PGS1: variants seen among roughly 807,000 people sequenced by gnomAD.
PGS1 encodes the protein phosphatidylglycerophosphate synthase 1, also known as CDP-diacylglycerol--glycerol-3-phosphate 3-phosphatidyltransferase, mitochondrial.
A neutral mutation model predicts 58.3 loss-of-function variants in PGS1; 44 were observed. The observed-to-expected ratio is 0.75, with a 90% CI of 0.59 to 0.97. The LOEUF is 0.97. PGS1 is among the 50% of genes least tolerant of loss of function. The pLI, the probability that PGS1 is intolerant of heterozygous loss-of-function variation, is 0.00. For missense variants in PGS1, 684 were observed against 731.1 expected (o/e 0.94, Z 0.74); for synonymous variants, 330 against 311.0 (o/e 1.06, Z -0.64).
rs553284568 is a variant in PGS1 at position 78,378,679 on chromosome 17, C to A, written c.14C>A (p.Ala5Glu). The change falls in exon 1 of 10, where the codon GCG becomes GAG. Residue 5 changes from alanine to glutamate, a missense_variant. Transcript: ENST00000262764. ...CGGCGAGTCTCCATGGCGGTGGCGG[C>A]GGCAGCTGCGGCGGGACCCGTGTTC... is the stretch of plus-strand genomic sequence containing the variant. Reference protein sequence around the residue: MAVAAAAAAGPVFWR... With the variant: MAVAEAAAAGPVFWR... 7.8e-6 allele frequency: 12 copies of A among 1,531,612 alleles called. No homozygotes were observed. In the South Asian group the frequency reaches 8.4e-5, roughly 11 times the overall value. The allele number at this position is 1,531,612 out of a possible 1,614,324, so 94.9% of individuals were successfully genotyped here.
intron 1 of PGS1, among the ~76,000 whole-genome samples, chr17:78,380,370 C>T (rs1432811434): frequency 6.6e-6 from 1 of 152,110 alleles, no homozygotes; most frequent in Non-Finnish European, 1.5e-5. Flanking sequence ...CAGAAAAGAG[C>T]TTGCTTCATG....
At chr17:78,404,763 C>T (rs946638646) in intron 7 of PGS1, among the ~76,000 whole-genome samples, 4 of 151,856 alleles carry the variant, frequency 2.6e-5, no homozygotes, top group African/African-American at 7.3e-5. Flanking sequence ...TGGGTTCAAG[C>T]GATTCTCCTG....
intron 1 of PGS1, among the ~76,000 whole-genome samples, chr17:78,379,880 T>G (rs534236561): frequency 6.6e-6 from 1 of 151,752 alleles, no homozygotes; most frequent in African/African-American, 2.4e-5. Context: ...CTTTTCTTTT[T>G]TTTTTGAGAC....
chr17:78,406,482 G>C (rs1479643071), intron 7 of PGS1, among the ~76,000 whole-genome samples: 1 of 152,236 alleles, frequency 6.6e-6, no homozygotes, highest in Non-Finnish European at 1.5e-5. Flanking sequence ...CTTCTGGCAT[G>C]TCCAGGGCAT....
At chr17:78,402,361 C>T (rs2083742976) in intron 6 of PGS1, among the ~76,000 whole-genome samples, 1 of 151,806 alleles carries the variant, frequency 6.6e-6, no homozygotes, top group Non-Finnish European at 1.5e-5. Flanking sequence ...TGATATTCTC[C>T]ATTTTTGTAT....
rs768993370 is a variant in PGS1, at chr17:78,399,504, T to C, written c.668T>C (p.Val223Ala). ...ACCATCGGCCTCCAGCACATTAAGG[T>C]GTACCTCTTCGACAACAGCGTCATC... ...NETIGLQHIK[V>A]YLFDNSVILS... is the part of the protein sequence containing the mutation. The change falls in exon 5 of 10, where the codon GTG becomes GCG. Residue 223 changes from valine to alanine, a missense_variant. Physicochemically the swap from Val to Ala is moderately conservative, Grantham distance 64. Coordinates refer to ENST00000262764, the MANE Select transcript of PGS1 (RefSeq NM_024419.5). 1 of 1,614,134 alleles carries C rather than the reference T, an allele frequency of 6.2e-7. No homozygotes were observed. Among genetic ancestry groups the C allele is most frequent in the East Asian group, 2.2e-5 (1 of 44,878 alleles).
At chr17:78,417,454 G>A (rs2085289053) in intron 8 of PGS1, among the ~76,000 whole-genome samples, 1 of 152,192 alleles carries the variant, frequency 6.6e-6, no homozygotes, top group Admixed American at 6.5e-5. Context: ...GGGGCCCACT[G>A]AGCATGGGAC....
intron 9 of PGS1, among the ~76,000 whole-genome samples, chr17:78,423,500 C>T (rs960194512): frequency 2.0e-5 from 3 of 152,184 alleles, no homozygotes; most frequent in African/African-American, 4.8e-5. Flanking sequence ...AGCATCAGGC[C>T]AGAGGGTGTG....
At chr17:78,423,191 G>C (rs938744893) in intron 9 of PGS1, among the ~76,000 whole-genome samples, 11 of 151,688 alleles carry the variant, frequency 7.3e-5, no homozygotes, top group Non-Finnish European at 1.5e-4. Flanking sequence ...TCATCCCCCA[G>C]GTTGCTAGTT....
intron 9 of PGS1, chr17:78,422,014 C>A (rs1215489916): frequency 6.6e-6 from 1 of 152,206 alleles, no homozygotes; most frequent in Non-Finnish European, 1.5e-5. Context: ...CGAATCATTT[C>A]TTGGAAAGTT....
intron 7 of PGS1, among the ~76,000 whole-genome samples, chr17:78,406,763 G>A (rs944091798): frequency 6.6e-6 from 1 of 151,880 alleles, no homozygotes; most frequent in Admixed American, 6.5e-5. Flanking sequence ...CTTTGGGGAG[G>A]CCTCAGACCC....
At chr17:78,386,098 C>T (rs62080360) in intron 1 of PGS1, among the ~76,000 whole-genome samples, 22,801 of 152,238 alleles carry the variant, frequency 0.15, 2,033 homozygotes, top group African/African-American at 0.25. Flanking sequence ...GCAGATTCCA[C>T]GGGAAGCCTT....
Position 78,423,136 on chromosome 17 carries a change from G to C in PGS1, c.*11-925G>C, listed in dbSNP as rs115747454. ...AAAAAAAAATGTTGATCCTGTCTTG[G>C]TCCCCCTGGGATCCGTCTTTTCTGA... On this transcript the variant is annotated intron_variant, in intron 9 of 9. Transcript: ENST00000262764. Among the ~76,000 whole-genome samples the C allele has an allele frequency of 2.9e-3, 443 of 151,456 alleles. 1 individual carries two copies. The highest frequency in any genetic ancestry group is 9.2e-3 in the African/African-American group (381 of 41,290).
rs756280095 is a variant in PGS1 at position 78,400,706 on chromosome 17, A to G, written c.731A>G (p.Asn244Ser). ...AACCTGAGTGACTCCTACTTCACCA[A>G]CCGCCAGGACCGCTACGTGTTCCTG... ...GANLSDSYFT[N>S]RQDRYVFLQD... Residue 244 changes from asparagine to serine, a missense_variant, in exon 6 of 10, where the codon AAC becomes AGC. By Grantham distance (46) the Asn-to-Ser change is conservative (BLOSUM62 1). Transcript: ENST00000262764. The surrounding 1 kb of genome is among the most constrained non-coding windows in gnomAD (Gnocchi z 4.4). The G allele has an allele frequency of 7.4e-6, 12 of 1,613,466 alleles. No individual in the cohort carries two copies. Among genetic ancestry groups the G allele is most frequent in the South Asian group, 4.4e-5 (4 of 91,032 alleles).
chr17:78,381,465 C>G (rs995125388), intron 1 of PGS1, among the ~76,000 whole-genome samples: 1 of 152,104 alleles, frequency 6.6e-6, no homozygotes, highest in African/African-American at 2.4e-5. Context: ...GTTTGCAGTT[C>G]TTTTCTGATT....
chr17:78,396,100 T>A (rs1034856622), intron 2 of PGS1, among the ~76,000 whole-genome samples: 39 of 152,364 alleles, frequency 2.6e-4, no homozygotes, highest in Non-Finnish European at 1.5e-4. Context: ...TGAGCTTTAC[T>A]TTTCAGGCTG....
chr17:78,423,945 C>G (rs1375267851), intron 9 of PGS1, 116 bp from the exon 10 acceptor site: 4 of 1,614,024 alleles, frequency 2.5e-6, no homozygotes, highest in Non-Finnish European at 3.4e-6. Flanking sequence ...CCAGGATCCA[C>G]TTCGCTGCCT....
intron 1 of PGS1, among the ~76,000 whole-genome samples, chr17:78,382,142 A>T (rs986327056): frequency 6.6e-6 from 1 of 152,112 alleles, no homozygotes; most frequent in South Asian, 2.1e-4. Flanking sequence ...TCAAGAAGTG[A>T]TAGTGACATG....
chr17:78,384,955 C>CGG (rs1446417074), intron 1 of PGS1, among the ~76,000 whole-genome samples: 3 of 152,208 alleles, frequency 2.0e-5, no homozygotes, highest in African/African-American at 7.2e-5. Context: ...CTCTGAGAAG[C>CGG]GGGCGCCCGG....
Sources: gnomAD v4.1 joint callset for allele counts (sites outside exome capture counted in the v4.1 genomes callset) on GRCh38, gnomAD v4.1.1 for gene constraint, Gnocchi (gnomAD v3.1) non-coding constraint, MANE v1.5 for transcripts, NCBI Gene and HGNC (gene_info 2026-07-23, HGNC 2026-07-21) for gene names.